The following RABGAP1L variants were observed in gnomAD, a reference collection of about 807,000 sequenced individuals.
The protein encoded by RABGAP1L is rab GTPase-activating protein 1-like.
Under a neutral mutation model 137.7 loss-of-function variants are expected in RABGAP1L, and 63 were observed. The ratio of observed to expected loss-of-function variants is 0.46; its 90% confidence interval spans 0.37 to 0.56. The LOEUF is 0.56. RABGAP1L is among the 20% of genes least tolerant of loss of function. RABGAP1L has a pLI of 0.00. For synonymous variants in RABGAP1L, 431 were observed against 433.7 expected (o/e 0.99, Z 0.08); for missense variants, 1,095 against 1,244.0 (o/e 0.88, Z 1.80).
At chr1:174,819,561 G>GCAAAGAT (rs1343809567) in intron 19 of RABGAP1L, among the ~76,000 whole-genome samples, 1 of 152,164 alleles carries the variant, frequency 6.6e-6, no homozygotes, top group Admixed American at 6.5e-5. Flanking sequence ...AGAGCAAAGA[G>GCAAAGAT]CAAAGGAACC....
intron 5 of RABGAP1L, 99 bp downstream of exon 5, chr1:174,241,756 G>A: frequency 9.3e-7 from 1 of 1,070,868 alleles, no homozygotes; most frequent in Non-Finnish European, 1.3e-6. Flanking sequence ...ACATAAATTT[G>A]GAGTATGTTT....
intron 11 of RABGAP1L, among the ~76,000 whole-genome samples, chr1:174,369,697 ATC>A (rs1200966941): frequency 6.6e-6 from 1 of 152,168 alleles, no homozygotes; most frequent in Non-Finnish European, 1.5e-5. Flanking sequence ...CTTTTAAAAT[ATC>A]TGTTATTTTC....
intron 1 of RABGAP1L, among the ~76,000 whole-genome samples, chr1:174,188,748 A>G (rs561347674): frequency 2.8e-4 from 43 of 152,338 alleles, no homozygotes; most frequent in Non-Finnish European, 5.3e-4. Flanking sequence ...GGTCTCAACA[A>G]TGGTTTTAAA....
chr1:174,385,634 G>A (rs1404680439), intron 12 of RABGAP1L, among the ~76,000 whole-genome samples: 1 of 152,194 alleles, frequency 6.6e-6, no homozygotes, highest in Non-Finnish European at 1.5e-5. Context: ...TTGGACGTAT[G>A]AGGAGGATCA....
intron 18 of RABGAP1L, among the ~76,000 whole-genome samples, chr1:174,768,722 C>G (rs574789110): frequency 6.6e-6 from 1 of 152,334 alleles, no homozygotes; most frequent in South Asian, 2.1e-4. Flanking sequence ...CTGCTTGGCT[C>G]ACTTCCAAGA....
chr1:174,396,352 C>A (rs115742802), intron 13 of RABGAP1L, among the ~76,000 whole-genome samples: 3,099 of 151,704 alleles, frequency 0.02, 108 homozygotes, highest in African/African-American at 0.072. Context: ...TTCACACACA[C>A]AAAAAAAGAT....
chr1:174,199,367 C>T (rs572077907), intron 1 of RABGAP1L, among the ~76,000 whole-genome samples: 42 of 152,218 alleles, frequency 2.8e-4, no homozygotes, highest in African/African-American at 9.4e-4. Context: ...TCTTGGCTCA[C>T]TGCAACCTCT....
intron 13 of RABGAP1L, among the ~76,000 whole-genome samples, chr1:174,531,751 G>T (rs1572194002): frequency 1.6e-5 from 2 of 128,436 alleles, no homozygotes. Context: ...CTCGGGGGTG[G>T]GGGGGGGGAA....
intron 22 of RABGAP1L, 101 bp from the exon 23 acceptor site, chr1:174,978,706 C>A (rs1670849830): frequency 1.2e-5 from 15 of 1,249,834 alleles, no homozygotes; most frequent in Admixed American, 7.5e-5. Flanking sequence ...AACATTGTTA[C>A]CATTGTTACT....
chr1:174,834,886 G>A (rs893925449), intron 19 of RABGAP1L, among the ~76,000 whole-genome samples: 2 of 152,132 alleles, frequency 1.3e-5, no homozygotes, highest in East Asian at 3.9e-4. Context: ...TGGAGATGAA[G>A]CCAGGGACCA....
At chr1:174,662,102 C>CTT (rs749496325) in intron 14 of RABGAP1L, among the ~76,000 whole-genome samples, 3,741 of 89,982 alleles carry the variant, frequency 0.042, 112 homozygotes, top group Middle Eastern at 0.095. Context: ...CTTTTCTTTT[C>CTT]TTTTTTTTTT....
intron 3 of RABGAP1L, among the ~76,000 whole-genome samples, chr1:174,227,616 T>TTTATTTTTAATGTTC (rs1416043521): frequency 6.6e-6 from 1 of 152,178 alleles, no homozygotes; most frequent in Non-Finnish European, 1.5e-5. Flanking sequence ...TGCCTTTAGA[T>TTTATTTTTAATGTTC]TATTTTTAAT....
At chr1:174,217,323 G>C (rs1669413836) in intron 1 of RABGAP1L, among the ~76,000 whole-genome samples, 1 of 152,158 alleles carries the variant, frequency 6.6e-6, no homozygotes, top group African/African-American at 2.4e-5. Flanking sequence ...GAATTTCAGG[G>C]CAGGAATTTA....
intron 20 of RABGAP1L, among the ~76,000 whole-genome samples, chr1:174,961,404 T>C (rs1235748227): frequency 1.3e-5 from 2 of 152,220 alleles, no homozygotes; most frequent in Non-Finnish European, 2.9e-5. Context: ...AGATGAATTG[T>C]TTCTGTTGTG....
At chr1:174,312,683 A>G (rs1210372160) in intron 11 of RABGAP1L, among the ~76,000 whole-genome samples, 2 of 152,240 alleles carry the variant, frequency 1.3e-5, no homozygotes, top group East Asian at 1.9e-4. Context: ...GCCTAGACCA[A>G]TGTCCTGGAG....
chr1:174,790,273 C>G (rs183191818), intron 18 of RABGAP1L, among the ~76,000 whole-genome samples: 63 of 151,650 alleles, frequency 4.2e-4, no homozygotes, highest in Non-Finnish European at 1.2e-4. Context: ...TGATAAATGT[C>G]ATAAAAGAAA....
chr1:174,557,732 C>T (rs770154095), intron 13 of RABGAP1L, among the ~76,000 whole-genome samples: 1 of 152,212 alleles, frequency 6.6e-6, no homozygotes, highest in Non-Finnish European at 1.5e-5. Flanking sequence ...AACTGCCTGT[C>T]TAAATCCTTA....
At chr1:174,366,123 A>G (rs1684589368) in intron 11 of RABGAP1L, among the ~76,000 whole-genome samples, 1 of 152,150 alleles carries the variant, frequency 6.6e-6, no homozygotes, top group Non-Finnish European at 1.5e-5. Flanking sequence ...GAAGTCTAGC[A>G]CTTTATGGCT....
At chr1:174,503,979 C>CTTTTT (rs201333632) in intron 13 of RABGAP1L, among the ~76,000 whole-genome samples, 1 of 142,354 alleles carries the variant, frequency 7.0e-6, no homozygotes. Context: ...TTTTTCTTTT[C>CTTTTT]TTTTTTTTTT....
Sources: allele counts gnomAD v4.1 joint callset (sites outside exome capture counted in the v4.1 genomes callset), GRCh38; gene constraint gnomAD v4.1.1; transcripts MANE v1.5; gene names NCBI Gene and HGNC (gene_info 2026-07-23, HGNC 2026-07-21).